The following RABGAP1L variants were observed in gnomAD, a reference collection of about 807,000 sequenced individuals.
The protein encoded by RABGAP1L is RAB GTPase activating protein 1 like.
Under a neutral mutation model 137.7 loss-of-function variants are expected in RABGAP1L, and 63 were observed. The observed-to-expected ratio is 0.46, with a 90% CI of 0.37 to 0.56. RABGAP1L has a LOEUF of 0.56. Ranked by LOEUF, RABGAP1L falls within the 20% of genes least tolerant of loss-of-function variation. RABGAP1L has a pLI of 0.00. For synonymous variants in RABGAP1L, 431 were observed against 433.7 expected (o/e 0.99, Z 0.08); for missense variants, 1,095 against 1,244.0 (o/e 0.88, Z 1.80).
chr1:174,575,182 G>A (rs755773024), intron 13 of RABGAP1L, among the ~76,000 whole-genome samples: 15 of 152,134 alleles, frequency 9.9e-5, no homozygotes, highest in Non-Finnish European at 1.5e-4. Context: ...CACCCACCTC[G>A]GCCTCCCAAA....
intron 13 of RABGAP1L, among the ~76,000 whole-genome samples, chr1:174,538,155 A>G (rs1043611022): frequency 6.6e-6 from 1 of 152,078 alleles, no homozygotes; most frequent in Non-Finnish European, 1.5e-5. Context: ...TGGGAAAACC[A>G]TTTCTTTGCT....
At chr1:174,606,345 C>T (rs1670793169) in intron 13 of RABGAP1L, among the ~76,000 whole-genome samples, 1 of 152,140 alleles carries the variant, frequency 6.6e-6, no homozygotes, top group African/African-American at 2.4e-5. Context: ...CCTGCCACAC[C>T]CACTGTCTTT....
chr1:174,293,931 T>C (rs1279112301), intron 10 of RABGAP1L, among the ~76,000 whole-genome samples: 1 of 152,112 alleles, frequency 6.6e-6, no homozygotes. Context: ...AATAGAAGTA[T>C]ATACATAGTT....
chr1:174,476,075 G>T (rs1398414503), intron 13 of RABGAP1L, among the ~76,000 whole-genome samples: 2 of 152,046 alleles, frequency 1.3e-5, no homozygotes, highest in African/African-American at 4.8e-5. Flanking sequence ...ACCTTGGAAA[G>T]GTGAGAGTTA....
intron 13 of RABGAP1L, among the ~76,000 whole-genome samples, chr1:174,575,931 G>C (rs1483554637): frequency 6.6e-6 from 1 of 152,130 alleles, no homozygotes; most frequent in African/African-American, 2.4e-5. Flanking sequence ...AGGGATTTAG[G>C]GTTGTTTGAT....
intron 13 of RABGAP1L, among the ~76,000 whole-genome samples, chr1:174,485,413 T>A (rs1244800897): frequency 2.6e-5 from 4 of 152,204 alleles, no homozygotes; most frequent in Non-Finnish European, 5.9e-5. Flanking sequence ...TCTTGTCATG[T>A]TCTAGATCTT....
chr1:174,362,775 C>T (rs1319505851), intron 11 of RABGAP1L, among the ~76,000 whole-genome samples: 2 of 152,054 alleles, frequency 1.3e-5, no homozygotes, highest in South Asian at 2.1e-4. Flanking sequence ...TTTTGCTGTG[C>T]CAGAAGCTCT....
At chr1:174,627,575 G>C (rs1303154365) in intron 13 of RABGAP1L, among the ~76,000 whole-genome samples, 1 of 152,166 alleles carries the variant, frequency 6.6e-6, no homozygotes, top group African/African-American at 2.4e-5. Flanking sequence ...TTGATTTTAA[G>C]CTGATCTTCA....
At chr1:174,451,706 A>AT (rs970895076) in intron 13 of RABGAP1L, among the ~76,000 whole-genome samples, 3 of 151,706 alleles carry the variant, frequency 2.0e-5, no homozygotes, top group African/African-American at 4.8e-5. Context: ...AGTTTTATTT[A>AT]TTTTTTTCTC....
chr1:174,834,485 A>G (rs902760861), intron 19 of RABGAP1L, among the ~76,000 whole-genome samples: 3 of 151,786 alleles, frequency 2.0e-5, no homozygotes, highest in South Asian at 4.2e-4. Flanking sequence ...GCATTTGCCA[A>G]TCCCTCGTGG....
At chr1:174,217,239 T>G (rs1669405223) in intron 1 of RABGAP1L, among the ~76,000 whole-genome samples, 1 of 152,114 alleles carries the variant, frequency 6.6e-6, no homozygotes, top group Non-Finnish European at 1.5e-5. Context: ...GAGGAGACAT[T>G]AGGAATTCCA....
chr1:174,926,876 C>T (rs1238680965), intron 19 of RABGAP1L, among the ~76,000 whole-genome samples: 2 of 151,874 alleles, frequency 1.3e-5, no homozygotes, highest in African/African-American at 4.8e-5. Context: ...AGTTTGAGAC[C>T]AGCCTGGCCA....
intron 18 of RABGAP1L, among the ~76,000 whole-genome samples, chr1:174,810,138 G>C (rs1689729803): frequency 6.6e-6 from 1 of 152,208 alleles, no homozygotes; most frequent in African/African-American, 2.4e-5. Flanking sequence ...GGGGAAAAGG[G>C]AAGCAAACTC....
chr1:174,170,671 C>G (rs961166946), intron 1 of RABGAP1L, among the ~76,000 whole-genome samples: 12 of 85,360 alleles, frequency 1.4e-4, no homozygotes, highest in Admixed American at 1.0e-3. Flanking sequence ...GACGCTGTTT[C>G]AAAAAAAAAA....
intron 14 of RABGAP1L, among the ~76,000 whole-genome samples, chr1:174,653,714 A>G (rs1416506363): frequency 6.6e-6 from 1 of 152,160 alleles, no homozygotes; most frequent in Non-Finnish European, 1.5e-5. Flanking sequence ...CTATTTGTTC[A>G]TCTTGCCAGC....
At chr1:174,550,901 CACACAT>C (rs1666407666) in intron 13 of RABGAP1L, among the ~76,000 whole-genome samples, 1 of 92,224 alleles carries the variant, frequency 1.1e-5, no homozygotes, top group East Asian at 3.7e-4. Context: ...TATATACACA[CACACAT>C]ATACACACAC....
At position 174,466,908 on chromosome 1, in the gene RABGAP1L, A is replaced by G. The variant is rs539097819; in HGVS notation, c.1710+72763A>G. On this transcript the variant is annotated intron_variant, in intron 13 of 25. Coordinates refer to ENST00000681986, the MANE Select transcript of RABGAP1L (RefSeq NM_001366446.1). ...CTGGGCATGTTACCTAACCCCTCTGACCGTTGGTTTCCTAATAATTGTATT... is the reference window on the plus strand; with the variant it reads ...CTGGGCATGTTACCTAACCCCTCTGGCCGTTGGTTTCCTAATAATTGTATT... 2.6e-5 allele frequency among the ~76,000 whole-genome samples: 4 copies of G among 152,276 alleles called. No homozygotes were observed. In the South Asian group the frequency reaches 8.3e-4, roughly 32 times the overall value.
chr1:174,615,100 G>A (rs190707888), intron 13 of RABGAP1L, among the ~76,000 whole-genome samples: 1 of 152,154 alleles, frequency 6.6e-6, no homozygotes, highest in African/African-American at 2.4e-5. Context: ...TCTCCATCCT[G>A]CTTTGTTTCG....
At chr1:174,588,282 G>T (rs984899963) in intron 13 of RABGAP1L, among the ~76,000 whole-genome samples, 1 of 152,006 alleles carries the variant, frequency 6.6e-6, no homozygotes, top group African/African-American at 2.4e-5. Flanking sequence ...TCCTGCCTCA[G>T]CCTCCTGAGT....
Sources: gnomAD v4.1 joint callset for allele counts (sites outside exome capture counted in the v4.1 genomes callset) on GRCh38, gnomAD v4.1.1 for gene constraint, MANE v1.5 for transcripts, NCBI Gene and HGNC (gene_info 2026-07-23, HGNC 2026-07-21) for gene names.